Variants in PLSCR2 observed in about 807,000 individuals in gnomAD.
PLSCR2 encodes the protein PL scramblase 2.
A neutral mutation model predicts 25.3 loss-of-function variants in PLSCR2; 18 were observed. The observed-to-expected ratio is 0.71, with a 90% CI of 0.49 to 1.06. The LOEUF (loss-of-function observed/expected upper bound fraction) is 1.06. Among genes scored for constraint, PLSCR2 ranks in the 50% least tolerant of loss-of-function variants. The pLI is 0.00. For missense variants in PLSCR2, 243 were observed against 269.5 expected (o/e 0.90, Z 0.69); for synonymous variants, 88 against 87.3 (o/e 1.01, Z -0.04).
chr3:146,472,357 GTATC>G (rs202039923), intron 1 of PLSCR2, among the ~76,000 whole-genome samples: 3,876 of 152,310 alleles, frequency 0.025, 76 homozygotes, highest in Middle Eastern at 0.062. Flanking sequence ...AATTGAGAAA[GTATC>G]TATTTACATT....
chr3:146,475,430 C>G (rs1462785446), intron 1 of PLSCR2, among the ~76,000 whole-genome samples: 1 of 151,878 alleles, frequency 6.6e-6, no homozygotes, highest in East Asian at 1.9e-4. Flanking sequence ...CACTTCAGGC[C>G]CTATTCATCT....
At chr3:146,454,836 T>C (rs1176493058) in intron 4 of PLSCR2, among the ~76,000 whole-genome samples, 1 of 152,178 alleles carries the variant, frequency 6.6e-6, no homozygotes, top group Non-Finnish European at 1.5e-5. Context: ...AATTATGAGA[T>C]GAATACATCT....
At chr3:146,441,677 T>C, downstream of PLSCR2, 2 of 693,038 alleles carry the variant, frequency 2.9e-6, no homozygotes, top group Non-Finnish European at 5.0e-6. Context: ...GTAATTTAAA[T>C]AAAGAAAAGA....
chr3:146,483,291 G>T (rs2043195325), intron 1 of PLSCR2, among the ~76,000 whole-genome samples: 1 of 144,306 alleles, frequency 6.9e-6, no homozygotes. Context: ...GGGGGGTGGG[G>T]GGCTGGGGGA....
chr3:146,432,057 C>A (rs756367221), downstream of PLSCR2, among the ~76,000 whole-genome samples: 2 of 152,042 alleles, frequency 1.3e-5, no homozygotes, highest in Non-Finnish European at 2.9e-5. Flanking sequence ...AAATGTTACT[C>A]ATTTTCCCTC....
rs146568289 is a variant in PLSCR2, at chr3:146,442,802, T to C, written c.646-981A>G. Among the ~76,000 whole-genome samples the C allele has an allele frequency of 7.9e-3, 1,208 of 152,040 alleles. 28 individuals carry two copies. The highest frequency in any genetic ancestry group is 0.054 in the Middle Eastern group (16 of 294). Reference sequence around the variant, plus strand: ...CCTCATTTCACACCATATACAAAAGTAAAATTAAAATGGATTAAAGACTTA... The same window carrying C: ...CCTCATTTCACACCATATACAAAAGCAAAATTAAAATGGATTAAAGACTTA... On this transcript the variant is annotated intron_variant, in intron 6 of 6. Transcript: ENST00000610787.
intron 1 of PLSCR2, among the ~76,000 whole-genome samples, chr3:146,486,730 C>A (rs1313782596): frequency 6.6e-6 from 1 of 151,902 alleles, no homozygotes; most frequent in African/African-American, 2.4e-5. Context: ...CTGAATTCTA[C>A]CAGAAATACA....
intron 1 of PLSCR2, among the ~76,000 whole-genome samples, chr3:146,491,753 T>A (rs1353848265): frequency 6.6e-6 from 1 of 152,162 alleles, no homozygotes; most frequent in Non-Finnish European, 1.5e-5. Flanking sequence ...TTGGATCATA[T>A]TATTAGTTTT....
intron 1 of PLSCR2, among the ~76,000 whole-genome samples, chr3:146,489,016 A>G (rs1381418885): frequency 6.6e-6 from 1 of 152,126 alleles, no homozygotes; most frequent in Non-Finnish European, 1.5e-5. Flanking sequence ...TGTCCTTTGC[A>G]GGACATGGAT....
intron 1 of PLSCR2, among the ~76,000 whole-genome samples, chr3:146,474,393 A>G (rs1226478548): frequency 2.6e-5 from 4 of 152,174 alleles, no homozygotes; most frequent in Non-Finnish European, 4.4e-5. Context: ...ACTTTGCATC[A>G]TGGTTCTAAC....
intron 2 of PLSCR2, among the ~76,000 whole-genome samples, chr3:146,396,473 G>C (rs2038277251): frequency 6.6e-6 from 1 of 152,148 alleles, no homozygotes. Context: ...GGCCATAAGG[G>C]AAGGGTAGGG....
chr3:146,454,859 A>C (rs998670262), intron 4 of PLSCR2, among the ~76,000 whole-genome samples: 3 of 152,104 alleles, frequency 2.0e-5, no homozygotes, highest in African/African-American at 7.2e-5. Flanking sequence ...TCTTTCCTTC[A>C]TTCTTTTGTC....
intron 1 of PLSCR2, among the ~76,000 whole-genome samples, chr3:146,467,526 C>T (rs2041924305): frequency 6.6e-6 from 1 of 151,972 alleles, no homozygotes. Flanking sequence ...ATGAAAGGCA[C>T]TGTACAGGCA....
At chr3:146,457,694 T>C (rs1239495001) in intron 3 of PLSCR2, among the ~76,000 whole-genome samples, 1 of 152,210 alleles carries the variant, frequency 6.6e-6, no homozygotes, top group Non-Finnish European at 1.5e-5. Flanking sequence ...ACTAAAATAT[T>C]GGATGTGGCT....
downstream of PLSCR2, among the ~76,000 whole-genome samples, chr3:146,439,594 T>A (rs966449583): frequency 1.1e-4 from 17 of 152,198 alleles, 1 homozygote; most frequent in Admixed American, 1.0e-3. Context: ...ATCACGTAGT[T>A]CTTGTGCCAT....
At chr3:146,409,414 C>T (rs753533862) in intron 2 of PLSCR2, among the ~76,000 whole-genome samples, 73 of 152,170 alleles carry the variant, frequency 4.8e-4, no homozygotes, top group Non-Finnish European at 9.7e-4. Context: ...GAGGTGAAAA[C>T]GCGGCCTGGC....
intron 1 of PLSCR2, among the ~76,000 whole-genome samples, chr3:146,478,543 A>G (rs1453350624): frequency 2.6e-5 from 4 of 152,338 alleles, no homozygotes; most frequent in African/African-American, 9.6e-5. Context: ...ATTTTAGAGA[A>G]AAAAGAGTAA....
At chr3:146,393,756 C>T (rs2107969703) in intron 3 of PLSCR2, among the ~76,000 whole-genome samples, 1 of 139,906 alleles carries the variant, frequency 7.1e-6, no homozygotes, top group East Asian at 2.3e-4. Context: ...TTGCAGTGAG[C>T]TGAGATTGTG....
chr3:146,400,231 T>C (rs1454777325), intron 2 of PLSCR2, among the ~76,000 whole-genome samples: 1 of 151,668 alleles, frequency 6.6e-6, no homozygotes, highest in Non-Finnish European at 1.5e-5. Context: ...TGTAGGAAAC[T>C]TTAGGAAATC....
Sources: allele counts gnomAD v4.1 joint callset (sites outside exome capture counted in the v4.1 genomes callset), GRCh38; gene constraint gnomAD v4.1.1; transcripts MANE v1.5; gene names NCBI Gene and HGNC (gene_info 2026-07-23, HGNC 2026-07-21).